Variants in GAD2 observed in about 807,000 individuals in gnomAD.
GAD2 encodes the protein 65 kDa glutamic acid decarboxylase.
GAD2 carries 22 observed loss-of-function variants against 80.1 expected under a neutral mutation model. The observed-to-expected ratio is 0.27, with a 90% CI of 0.20 to 0.39. GAD2 has a LOEUF of 0.39. GAD2 is among the 10% of genes least tolerant of loss of function. GAD2 has a pLI of 1.00. For missense variants in GAD2, 624 were observed against 738.4 expected, an observed-to-expected ratio of 0.85 and a Z score of 1.80; for synonymous variants, 274 against 256.9, an observed-to-expected ratio of 1.07 and a Z score of -0.64.
At chr10:26,263,590 A>G (rs1447993028) in intron 8 of GAD2, among the ~76,000 whole-genome samples, 1 of 152,228 alleles carries the variant, frequency 6.6e-6, no homozygotes, top group Non-Finnish European at 1.5e-5. Context: ...CAGTTTCTGT[A>G]GTCACTACGC....
chr10:26,250,549 T>G, intron 8 of GAD2, among the ~76,000 whole-genome samples: 1 of 150,532 alleles, frequency 6.6e-6, no homozygotes, highest in South Asian at 2.1e-4. Flanking sequence ...AAGAAGGAAG[T>G]GGGAAAGAGC....
chr10:26,216,632 C>T (rs889203607), upstream of GAD2: 1 of 480,004 alleles, frequency 2.1e-6, no homozygotes, highest in South Asian at 3.0e-5. This position sits in a 1 kb window ranked among gnomAD's most constrained non-coding sequence, Gnocchi z 4.7. Flanking sequence ...TACACACACG[C>T]ACAGACACGC....
At chr10:26,245,362 C>T (rs1353781330) in intron 7 of GAD2, among the ~76,000 whole-genome samples, 1 of 150,774 alleles carries the variant, frequency 6.6e-6, no homozygotes, top group African/African-American at 2.5e-5. Flanking sequence ...CCCGCATGTA[C>T]CCTGGAACTT....
At chr10:26,295,082 C>CA (rs11397236) in intron 15 of GAD2, among the ~76,000 whole-genome samples, 64,090 of 150,660 alleles carry the variant, frequency 0.43, 17,393 homozygotes, top group African/African-American at 0.79. Flanking sequence ...AGAATAAAAA[C>CA]TTTTTTTTTT....
intron 8 of GAD2, among the ~76,000 whole-genome samples, chr10:26,258,751 A>G (rs539606447): frequency 6.6e-6 from 1 of 151,894 alleles, no homozygotes; most frequent in South Asian, 2.1e-4. Context: ...TCGTATGTGT[A>G]GATCACATTT....
intron 8 of GAD2, among the ~76,000 whole-genome samples, chr10:26,248,542 C>T (rs1345227707): frequency 1.3e-5 from 2 of 152,210 alleles, no homozygotes; most frequent in Non-Finnish European, 2.9e-5. Context: ...TTAGTTTCTA[C>T]AGGGAATCAA....
chr10:26,268,467 CAAA>C (rs398045927), intron 8 of GAD2, among the ~76,000 whole-genome samples: 5 of 93,600 alleles, frequency 5.3e-5, no homozygotes, highest in African/African-American at 6.6e-5. Flanking sequence ...GACTCTGTCT[CAAA>C]AAAAAAAAAA....
intron 15 of GAD2, among the ~76,000 whole-genome samples, chr10:26,294,489 T>C (rs1281432231): frequency 6.6e-6 from 1 of 152,176 alleles, no homozygotes; most frequent in Admixed American, 6.5e-5. Flanking sequence ...AGAAACTTCA[T>C]AAAAGACACT....
At chr10:26,237,119 A>G (rs1844682406) in intron 7 of GAD2, among the ~76,000 whole-genome samples, 1 of 151,960 alleles carries the variant, frequency 6.6e-6, no homozygotes, top group African/African-American at 2.4e-5. Flanking sequence ...CGGGGGAGAG[A>G]GCAGTGGGCA....
intron 11 of GAD2, among the ~76,000 whole-genome samples, chr10:26,274,667 G>A (rs8190737): frequency 0.015 from 2,281 of 152,326 alleles, 65 homozygotes; most frequent in African/African-American, 0.051. Context: ...GCACTTGTGA[G>A]CCCTGGGCAT....
intron 8 of GAD2, among the ~76,000 whole-genome samples, chr10:26,265,493 G>T (rs143491592): frequency 6.6e-6 from 1 of 152,020 alleles, no homozygotes; most frequent in Non-Finnish European, 1.5e-5. Context: ...GCGAGCCACC[G>T]AGTATGGCCA....
rs562894920 is a variant in GAD2, at chr10:26,219,142, C to T, written c.386C>T (p.Ser129Leu). 1.2e-6 allele frequency: 2 copies of T among 1,613,794 alleles called. No individual in the cohort carries two copies. The highest frequency in any genetic ancestry group is 3.3e-5 in the Admixed American group (2 of 59,968). The change falls in exon 4 of 16, where the codon TCA (serine) becomes TTA (leucine). Residue 129 changes from serine (S) to leucine (L), a missense_variant. Transcript: ENST00000376261. ...LQYVVKSFDRSTKVIDFHYPN... is the reference protein window; with the variant it reads ...LQYVVKSFDRLTKVIDFHYPN... ...TATGTGGTGAAAAGTTTCGATAGAT[C>T]AACCAAAGTGATTGATTTCCATTAT...
intron 12 of GAD2, among the ~76,000 whole-genome samples, chr10:26,285,993 C>T (rs1481664823): frequency 3.9e-5 from 6 of 152,094 alleles, no homozygotes; most frequent in Non-Finnish European, 8.8e-5. Context: ...GGATATTCTC[C>T]CAAAGAAGGG....
At chr10:26,288,196 A>G (rs747716928) in intron 13 of GAD2, among the ~76,000 whole-genome samples, 19 of 152,224 alleles carry the variant, frequency 1.2e-4, no homozygotes, top group Non-Finnish European at 2.5e-4. Context: ...GATGCAGTTT[A>G]AACAGAAAGA....
intron 8 of GAD2, among the ~76,000 whole-genome samples, chr10:26,249,360 G>C (rs1844850735): frequency 6.6e-6 from 1 of 152,228 alleles, no homozygotes; most frequent in South Asian, 2.1e-4. Context: ...AAGGCTACCA[G>C]TGTTCCTCAG....
At chr10:26,289,486 C>T (rs1215835711) in intron 13 of GAD2, among the ~76,000 whole-genome samples, 1 of 152,070 alleles carries the variant, frequency 6.6e-6, no homozygotes, top group African/African-American at 2.4e-5. Flanking sequence ...GCACTGATGA[C>T]AGCCATCATA....
At chr10:26,221,723 G>T (rs940798791) in intron 4 of GAD2, among the ~76,000 whole-genome samples, 2 of 152,246 alleles carry the variant, frequency 1.3e-5, no homozygotes, top group Non-Finnish European at 2.9e-5. Flanking sequence ...TTGCTAGTCT[G>T]CAGGGAGCAT....
intron 8 of GAD2, among the ~76,000 whole-genome samples, chr10:26,255,023 A>G (rs1844927276): frequency 1.3e-5 from 2 of 152,218 alleles, no homozygotes; most frequent in African/African-American, 4.8e-5. Flanking sequence ...CCGAAGTGAG[A>G]GTGTCTGGTA....
At position 26,249,649 on chromosome 10, in the gene GAD2, C is replaced by T. The variant is rs1020016174; in HGVS notation, c.920+3649C>T. On this transcript the variant is annotated intron_variant, in intron 8 of 15. Transcript: ENST00000376261. ...CTCTTGACTCTACTCTTCAAAGCATCGGCATCACTGCTCCTACTCCTGTGA... is the reference window on the plus strand; with the variant it reads ...CTCTTGACTCTACTCTTCAAAGCATTGGCATCACTGCTCCTACTCCTGTGA... Among the ~76,000 whole-genome samples the T allele has an allele frequency of 2.6e-5, 4 of 152,078 alleles. No homozygotes were observed. The East Asian group carries it at 7.7e-4, about 29-fold the overall frequency.
Sources: allele counts gnomAD v4.1 joint callset (sites outside exome capture counted in the v4.1 genomes callset), GRCh38; gene constraint gnomAD v4.1.1; non-coding constraint Gnocchi (gnomAD v3.1); transcripts MANE v1.5; gene names NCBI Gene and HGNC (gene_info 2026-07-23, HGNC 2026-07-21).